PTPRT: variants seen among roughly 807,000 people sequenced by gnomAD.
PTPRT encodes protein tyrosine phosphatase receptor type T.
In PTPRT, 56 loss-of-function variants were observed where a neutral mutation model predicts 176.8. The observed-to-expected ratio is 0.32, with a 90% CI of 0.26 to 0.40. PTPRT has a LOEUF of 0.40. Ranked by LOEUF, PTPRT falls within the 10% of genes least tolerant of loss-of-function variation. The probability of loss-of-function intolerance (pLI) is 1.00; values close to 1 mark genes in which losing one functional copy is unlikely to be tolerated. For missense variants in PTPRT, 1,540 were observed against 1,908.2 expected, an observed-to-expected ratio of 0.81 and a Z score of 3.60; for synonymous variants, 783 against 739.0, an observed-to-expected ratio of 1.06 and a Z score of -0.96.
chr20:42,904,374 G>A (rs921465613), intron 1 of PTPRT, among the ~76,000 whole-genome samples: 1 of 152,188 alleles, frequency 6.6e-6, no homozygotes, highest in African/African-American at 2.4e-5. Context: ...GAAGATTGAG[G>A]ATTTGCCTGA....
At chr20:43,081,488 A>G (rs1004964358) in intron 1 of PTPRT, among the ~76,000 whole-genome samples, 1 of 152,206 alleles carries the variant, frequency 6.6e-6, no homozygotes, top group African/African-American at 2.4e-5. Context: ...TGATTATTTC[A>G]TATGCACCTT....
chr20:42,947,808 T>C (rs1243315725), intron 1 of PTPRT, among the ~76,000 whole-genome samples: 1 of 152,050 alleles, frequency 6.6e-6, no homozygotes, highest in Non-Finnish European at 1.5e-5. Flanking sequence ...GAAATTGTCT[T>C]GCCAAGGTCA....
intron 1 of PTPRT, among the ~76,000 whole-genome samples, chr20:42,923,832 AT>A (rs1308949973): frequency 6.0e-5 from 9 of 149,548 alleles, no homozygotes; most frequent in African/African-American, 1.8e-4. Context: ...TGAATGGGAC[AT>A]TTTTTTCTTT....
intron 7 of PTPRT, among the ~76,000 whole-genome samples, chr20:42,538,601 TTAATC>T (rs2072518392): frequency 6.6e-6 from 1 of 152,178 alleles, no homozygotes; most frequent in South Asian, 2.1e-4. Context: ...CACATGGCGA[TTAATC>T]TATACCAAAA....
intron 1 of PTPRT, among the ~76,000 whole-genome samples, chr20:43,159,739 A>G (rs1366805723): frequency 2.6e-5 from 4 of 152,166 alleles, no homozygotes; most frequent in Admixed American, 6.5e-5. Context: ...CTTGCTAAGT[A>G]TTCCTTTCTG....
Position 42,669,909 on chromosome 20 carries a change from G to A in PTPRT, c.1153+7957C>T, listed in dbSNP as rs141411686. On this transcript the variant is annotated intron_variant, in intron 7 of 30. Coordinates refer to ENST00000373187, the MANE Select transcript of PTPRT (RefSeq NM_007050.6). Reference sequence around the variant, plus strand: ...CCTCCTCAAAGAGAGAAGCATCTGCGTAACATGGTTCTCCCTCTTACCTGA... The same window carrying A: ...CCTCCTCAAAGAGAGAAGCATCTGCATAACATGGTTCTCCCTCTTACCTGA... 5.2e-3 allele frequency among the ~76,000 whole-genome samples: 791 copies of A among 152,200 alleles called. 5 individuals carry two copies. Among genetic ancestry groups the A allele is most frequent in the African/African-American group, 0.018 (753 of 41,522 alleles).
the PTPRT span, among the ~76,000 whole-genome samples, chr20:42,039,323 T>C: frequency 1.3e-5 from 2 of 152,196 alleles, no homozygotes; most frequent in Admixed American, 1.3e-4. Flanking sequence ...TATGCATTAG[T>C]TCACATACCT....
chr20:43,183,692 C>G (rs1332701528), intron 1 of PTPRT, among the ~76,000 whole-genome samples: 6 of 152,214 alleles, frequency 3.9e-5, no homozygotes, highest in Non-Finnish European at 8.8e-5. Flanking sequence ...AGGCTCGCTT[C>G]CTATAAACCC....
At chr20:42,886,952 G>A (rs1332298293) in intron 1 of PTPRT, among the ~76,000 whole-genome samples, 1 of 152,164 alleles carries the variant, frequency 6.6e-6, no homozygotes, top group Non-Finnish European at 1.5e-5. Context: ...ACAAATGCAG[G>A]GAGGCAGAAC....
chr20:42,538,861 ATGT>A (rs1260636430), intron 7 of PTPRT, among the ~76,000 whole-genome samples: 1 of 152,030 alleles, frequency 6.6e-6, no homozygotes, highest in Non-Finnish European at 1.5e-5. Context: ...TCATTTCTCC[ATGT>A]TGTTTGTGCA....
intron 13 of PTPRT, among the ~76,000 whole-genome samples, chr20:42,275,891 G>T (rs1342691438): frequency 1.3e-5 from 2 of 152,066 alleles, no homozygotes; most frequent in Non-Finnish European, 2.9e-5. Flanking sequence ...GTATCTCATG[G>T]GACTCAGCTA....
chr20:42,507,853 C>CTT (rs5841463), intron 7 of PTPRT, among the ~76,000 whole-genome samples: 4 of 139,134 alleles, frequency 2.9e-5, no homozygotes, highest in Admixed American at 7.3e-5. Context: ...ACTCACAGGA[C>CTT]TTTTTTTTTT....
chr20:42,457,197 C>T (rs1246629544), intron 8 of PTPRT, among the ~76,000 whole-genome samples: 2 of 152,114 alleles, frequency 1.3e-5, no homozygotes, highest in Non-Finnish European at 2.9e-5. Context: ...TTATACTTTT[C>T]ACTCCTTAAG....
chr20:42,566,496 G>A (rs1330957979), intron 7 of PTPRT, among the ~76,000 whole-genome samples: 1 of 152,178 alleles, frequency 6.6e-6, no homozygotes. Flanking sequence ...AGAACCTCAA[G>A]ACTAGTTTTC....
intron 1 of PTPRT, among the ~76,000 whole-genome samples, chr20:43,041,574 C>T (rs548104106): frequency 2.8e-4 from 42 of 152,324 alleles, no homozygotes; most frequent in African/African-American, 9.6e-4. Context: ...ATGGCCATAA[C>T]GTGCCACCTA....
At chr20:42,638,611 A>C (rs1478633386) in intron 7 of PTPRT, among the ~76,000 whole-genome samples, 1 of 152,156 alleles carries the variant, frequency 6.6e-6, no homozygotes, top group Non-Finnish European at 1.5e-5. Flanking sequence ...GCAGGATATA[A>C]AATAGTACAA....
intron 7 of PTPRT, among the ~76,000 whole-genome samples, chr20:42,496,055 A>G (rs2071648239): frequency 6.6e-6 from 1 of 152,178 alleles, no homozygotes; most frequent in Non-Finnish European, 1.5e-5. Flanking sequence ...CTAGAGAAAA[A>G]AATATTATTA....
At chr20:42,763,615 C>T (rs1408212579) in intron 5 of PTPRT, among the ~76,000 whole-genome samples, 1 of 152,188 alleles carries the variant, frequency 6.6e-6, no homozygotes, top group Non-Finnish European at 1.5e-5. Context: ...AATGCGTATT[C>T]TTTTCACTTC....
intron 2 of PTPRT, among the ~76,000 whole-genome samples, chr20:42,804,747 C>A (rs572098056): frequency 6.6e-6 from 1 of 152,142 alleles, no homozygotes; most frequent in Non-Finnish European, 1.5e-5. Context: ...GGTTTGCTGG[C>A]GATCTTTGGC....
Sources: gnomAD v4.1 joint callset for allele counts (sites outside exome capture counted in the v4.1 genomes callset) on GRCh38, gnomAD v4.1.1 for gene constraint, MANE v1.5 for transcripts, NCBI Gene and HGNC (gene_info 2026-07-23, HGNC 2026-07-21) for gene names.